AGBL4: variants seen among roughly 807,000 people sequenced by gnomAD.
AGBL4 encodes cytosolic carboxypeptidase 6.
AGBL4 carries 58 observed loss-of-function variants against 66.4 expected under a neutral mutation model. The ratio of observed to expected loss-of-function variants is 0.87; its 90% CI spans 0.71 to 1.09. The LOEUF (loss-of-function observed/expected upper bound fraction) is 1.09. Ranked by LOEUF, AGBL4 falls within the 50% of genes least tolerant of loss-of-function variation. The pLI is 0.00. For missense variants in AGBL4, 579 were observed against 631.0 expected (o/e 0.92, Z 0.88); for synonymous variants, 234 against 222.9 (o/e 1.05, Z -0.44).
At chr1:48,679,656 A>G (rs1646423080) in intron 6 of AGBL4, among the ~76,000 whole-genome samples, 1 of 152,216 alleles carries the variant, frequency 6.6e-6, no homozygotes, top group African/African-American at 2.4e-5. Context: ...TCCAGGTCAC[A>G]TGGCTAGCCA....
At chr1:48,851,445 G>C (rs910779514) in intron 6 of AGBL4, among the ~76,000 whole-genome samples, 7 of 152,116 alleles carry the variant, frequency 4.6e-5, no homozygotes, top group African/African-American at 1.7e-4. Context: ...CATGGAAGGG[G>C]GTTAGTAATT....
At chr1:48,855,116 G>A (rs1647116552) in intron 6 of AGBL4, among the ~76,000 whole-genome samples, 1 of 152,050 alleles carries the variant, frequency 6.6e-6, no homozygotes. Flanking sequence ...AGTTCCTCTA[G>A]GCCTGAGGCC....
At chr1:49,335,676 C>T (rs373709907) in intron 3 of AGBL4, among the ~76,000 whole-genome samples, 2 of 152,124 alleles carry the variant, frequency 1.3e-5, no homozygotes, top group East Asian at 3.9e-4. Flanking sequence ...CCACCACACC[C>T]GGCTAATTTT....
chr1:49,424,951 T>C (rs547387855), intron 3 of AGBL4, among the ~76,000 whole-genome samples: 2 of 152,142 alleles, frequency 1.3e-5, no homozygotes, highest in East Asian at 1.9e-4. Flanking sequence ...CATAAGAGCC[T>C]GGAAGGAAAA....
chr1:48,609,161 C>T (rs886184610), intron 9 of AGBL4, among the ~76,000 whole-genome samples: 6 of 152,102 alleles, frequency 3.9e-5, no homozygotes, highest in Admixed American at 2.0e-4. Context: ...TGGATACATG[C>T]TGAGAGAGCC....
chr1:49,831,517 A>G (rs1012946609), intron 2 of AGBL4, among the ~76,000 whole-genome samples: 3 of 152,194 alleles, frequency 2.0e-5, no homozygotes, highest in African/African-American at 7.2e-5. Flanking sequence ...GGGCTGACAC[A>G]ATGGGGTTTT....
At chr1:49,335,584 T>C (rs989579607) in intron 3 of AGBL4, among the ~76,000 whole-genome samples, 26 of 152,176 alleles carry the variant, frequency 1.7e-4, no homozygotes, top group East Asian at 1.2e-3. Flanking sequence ...GGTGCAATCT[T>C]GGCTCACTGC....
At chr1:49,095,402 G>A (rs2147988659) in intron 4 of AGBL4, among the ~76,000 whole-genome samples, 1 of 152,282 alleles carries the variant, frequency 6.6e-6, no homozygotes, top group East Asian at 1.9e-4. Context: ...AAAGAACAAA[G>A]CTGGAGGCAT....
At chr1:49,283,357 A>G (rs1050650729) in intron 3 of AGBL4, among the ~76,000 whole-genome samples, 3 of 152,342 alleles carry the variant, frequency 2.0e-5, no homozygotes, top group South Asian at 2.1e-4. Context: ...CATCCACACC[A>G]AAAACCCATC....
intron 2 of AGBL4, among the ~76,000 whole-genome samples, chr1:49,823,289 T>C (rs1436820223): frequency 2.0e-5 from 3 of 152,218 alleles, no homozygotes; most frequent in Admixed American, 1.3e-4. Context: ...AGCTTAGCTA[T>C]AAGGCAGTGT....
At chr1:48,653,305 C>T (rs1327514328) in intron 8 of AGBL4, 32 bp downstream of exon 8, 2 of 1,499,240 alleles carry the variant, frequency 1.3e-6, no homozygotes, top group Admixed American at 4.1e-5. Context: ...CCTATAAGTA[C>T]TTGCTTCCAA....
the AGBL4 span, among the ~76,000 whole-genome samples, chr1:48,524,278 C>T: frequency 2.6e-5 from 4 of 151,988 alleles, no homozygotes; most frequent in East Asian, 7.8e-4. Flanking sequence ...ACCACACAAG[C>T]AATGTTTTTC....
rs865974859 is a variant in AGBL4 at position 48,908,298 on chromosome 1, A to G, written c.595-41068T>C. Reference sequence around the variant, plus strand: ...TGATTCATGGCAAACTCTTTAAAGTAGTGAACAAAGTTGCCTTTTCAAAAA... The same window carrying G: ...TGATTCATGGCAAACTCTTTAAAGTGGTGAACAAAGTTGCCTTTTCAAAAA... On this transcript the variant is annotated intron_variant, in intron 5 of 13. Coordinates refer to ENST00000371839, the MANE Select transcript of AGBL4 (RefSeq NM_032785.4). Among the ~76,000 whole-genome samples the G allele has an allele frequency of 3.3e-5, 5 of 152,308 alleles. No homozygotes were observed. The South Asian group carries it at 1.0e-3, about 32-fold the overall frequency.
intron 6 of AGBL4, among the ~76,000 whole-genome samples, chr1:48,671,590 C>T (rs933548158): frequency 1.3e-5 from 2 of 152,160 alleles, no homozygotes; most frequent in Non-Finnish European, 1.5e-5. Context: ...TCATAAGGAT[C>T]TTGTAAGAAT....
chr1:49,716,403 T>C (rs920697044), intron 2 of AGBL4, among the ~76,000 whole-genome samples: 12 of 152,160 alleles, frequency 7.9e-5, no homozygotes, highest in Non-Finnish European at 1.8e-4. Flanking sequence ...CCAGCTTTCT[T>C]CTTTTTCCTT....
intron 4 of AGBL4, among the ~76,000 whole-genome samples, chr1:49,195,679 G>T (rs985142261): frequency 6.6e-6 from 1 of 152,080 alleles, no homozygotes; most frequent in Non-Finnish European, 1.5e-5. Flanking sequence ...TGGACCTCTT[G>T]TATCTAGATA....
At chr1:49,944,400 A>G (rs1655032807) in intron 1 of AGBL4, among the ~76,000 whole-genome samples, 1 of 152,094 alleles carries the variant, frequency 6.6e-6, no homozygotes, top group South Asian at 2.1e-4. Context: ...ACCCCCAGTA[A>G]CAGCCCAAAG....
At chr1:49,261,701 G>A (rs1322347635) in intron 3 of AGBL4, among the ~76,000 whole-genome samples, 2 of 151,142 alleles carry the variant, frequency 1.3e-5, no homozygotes, top group Admixed American at 1.3e-4. Context: ...TCATGGGTAG[G>A]AAGAATCAAT....
chr1:49,850,062 A>G (rs960525243), intron 2 of AGBL4, among the ~76,000 whole-genome samples: 2 of 152,214 alleles, frequency 1.3e-5, no homozygotes, highest in South Asian at 2.1e-4. Flanking sequence ...TTGGAAGTAC[A>G]ATACTACAAT....
Sources: allele counts gnomAD v4.1 joint callset (sites outside exome capture counted in the v4.1 genomes callset), GRCh38; gene constraint gnomAD v4.1.1; transcripts MANE v1.5; gene names NCBI Gene and HGNC (gene_info 2026-07-23, HGNC 2026-07-21).